The following NUGGC variants were observed in gnomAD, a reference collection of about 807,000 sequenced individuals.
The protein encoded by NUGGC is nuclear GTPase SLIP-GC.
In NUGGC, 58 loss-of-function variants were observed where a neutral mutation model predicts 92.6. That is an observed-to-expected ratio of 0.63 (90% confidence interval 0.51 to 0.78). The LOEUF is 0.78. Ranked by LOEUF, NUGGC falls within the 30% of genes least tolerant of loss-of-function variation. NUGGC has a pLI of 0.00. For synonymous variants in NUGGC, 376 were observed against 366.4 expected, an observed-to-expected ratio of 1.03 and a Z score of -0.30; for missense variants, 925 against 964.6, an observed-to-expected ratio of 0.96 and a Z score of 0.54.
intron 2 of NUGGC, among the ~76,000 whole-genome samples, chr8:28,072,794 C>A (rs1302437200): frequency 6.6e-6 from 1 of 151,902 alleles, no homozygotes; most frequent in Non-Finnish European, 1.5e-5. Flanking sequence ...GAATTTAGAT[C>A]ACAGATCTTA....
At chr8:28,080,272 G>C (rs184026954) in intron 1 of NUGGC, among the ~76,000 whole-genome samples, 20 of 152,264 alleles carry the variant, frequency 1.3e-4, no homozygotes, top group African/African-American at 4.8e-4. Flanking sequence ...GACACCCTCA[G>C]AAGTAAAACA....
intron 6 of NUGGC, among the ~76,000 whole-genome samples, chr8:28,066,551 C>A (rs1356813738): frequency 6.6e-6 from 1 of 151,968 alleles, no homozygotes; most frequent in Non-Finnish European, 1.5e-5. Flanking sequence ...AAATTGTACC[C>A]ATTTTACCAA....
At chr8:28,045,910 G>A (rs1484613415) in intron 11 of NUGGC, among the ~76,000 whole-genome samples, 2 of 152,082 alleles carry the variant, frequency 1.3e-5, no homozygotes, top group African/African-American at 4.8e-5. Flanking sequence ...AAAACTACAT[G>A]GAAAAGTACA....
intron 15 of NUGGC, 92 bp downstream of exon 15, chr8:28,031,151 G>T: frequency 1.4e-6 from 2 of 1,424,602 alleles, no homozygotes; most frequent in Non-Finnish European, 2.0e-6. Context: ...ATACTCCAGG[G>T]AACAAGGGAA....
chr8:28,043,280 G>A (rs1397427251), intron 12 of NUGGC, among the ~76,000 whole-genome samples: 1 of 151,902 alleles, frequency 6.6e-6, no homozygotes, highest in Non-Finnish European at 1.5e-5. Context: ...ATGAATAAAC[G>A]CAGACTTCAT....
At chr8:28,041,003 G>A (rs549597691) in intron 13 of NUGGC, 48 bp downstream of exon 13, 26 of 1,524,344 alleles carry the variant, frequency 1.7e-5, no homozygotes, top group African/African-American at 5.5e-5. Flanking sequence ...CTTGGGGATC[G>A]GGCAGGCCTC....
chr8:28,032,166 G>A (rs1009344448), intron 14 of NUGGC, among the ~76,000 whole-genome samples: 5 of 152,168 alleles, frequency 3.3e-5, no homozygotes, highest in African/African-American at 1.2e-4. Context: ...TGTCTTGAAC[G>A]CGTTCTAAGG....
chr8:28,067,575 A>G lies in NUGGC; in HGVS notation c.650T>C (p.Leu217Pro). ...GAESKNYEEL[L>P]RAKPKRKIPT... The stretch of plus-strand genomic sequence containing the variant: ...GATCTTCCTTTTGGGCTTCGCCCTC[A>G]GTAACTCCTCATAGTTCTTACTCTC... Residue 217 changes from leucine (L) to proline (P), a missense_variant, in exon 6 of 19, where the codon CTG becomes CCG. Coordinates refer to ENST00000413272, the MANE Select transcript of NUGGC (RefSeq NM_001010906.2). The G allele has an allele frequency of 1.9e-6, 3 of 1,613,596 alleles. No homozygotes were observed. Among genetic ancestry groups the G allele is most frequent in the Non-Finnish European group, 2.5e-6 (3 of 1,179,724 alleles).
chr8:28,072,728 T>C (rs1294381225), intron 2 of NUGGC, among the ~76,000 whole-genome samples: 1 of 152,192 alleles, frequency 6.6e-6, no homozygotes, highest in Non-Finnish European at 1.5e-5. Flanking sequence ...ATCTTGGATT[T>C]ATACCATACG....
In NUGGC at chr8:28,066,121, T is replaced by C. The variant is rs115537078; in HGVS notation, c.712-1390A>G. ...GACGCTGGGAAGGAGTATTTCTAAATATAGAGTTGGCAAAGACGTTGATAC... is the reference window on the plus strand; with the variant it reads ...GACGCTGGGAAGGAGTATTTCTAAACATAGAGTTGGCAAAGACGTTGATAC... On this transcript the variant is annotated intron_variant, in intron 6 of 18. Transcript: ENST00000413272. 4.8e-3 allele frequency among the ~76,000 whole-genome samples: 725 copies of C among 152,344 alleles called. 4 individuals carry two copies. Among genetic ancestry groups the C allele is most frequent in the African/African-American group, 0.016 (684 of 41,572 alleles).
intron 10 of NUGGC, among the ~76,000 whole-genome samples, chr8:28,050,990 T>C (rs878957703): frequency 9.1e-6 from 1 of 110,146 alleles, no homozygotes; most frequent in South Asian, 3.5e-4. Context: ...CCTAGCACTC[T>C]TTTTTTGCTG....
At chr8:28,074,741 C>T (rs1044491155) in intron 1 of NUGGC, among the ~76,000 whole-genome samples, 9 of 152,252 alleles carry the variant, frequency 5.9e-5, no homozygotes, top group Non-Finnish European at 1.0e-4. Flanking sequence ...GAGTTCAAGA[C>T]CAGCCTGACC....
At chr8:28,083,313 A>G (rs12544240) in intron 1 of NUGGC, among the ~76,000 whole-genome samples, 57,215 of 152,026 alleles carry the variant, frequency 0.38, 10,920 homozygotes, top group African/African-American at 0.41. Flanking sequence ...CCCAAAACCC[A>G]TAACTCCAGT....
chr8:28,027,996 A>G (rs1348359649), intron 17 of NUGGC, among the ~76,000 whole-genome samples: 1 of 152,222 alleles, frequency 6.6e-6, no homozygotes, highest in Non-Finnish European at 1.5e-5. Flanking sequence ...ATGTATAAAA[A>G]GAAATTTCAC....
In NUGGC at chr8:28,043,146, T is replaced by C. The variant is rs377208454; in HGVS notation, c.1447-1931A>G. Among the ~76,000 whole-genome samples, 17 of 152,340 alleles carry C rather than the reference T, an allele frequency of 1.1e-4. No homozygotes were observed. The East Asian group carries it at 3.3e-3, about 29-fold the overall frequency. Reference sequence around the variant, plus strand: ...AGAAAGAAGTCATGGAAAGAAAAGCTATGGGCATGATTCTCACAATGCCTC... The same window carrying C: ...AGAAAGAAGTCATGGAAAGAAAAGCCATGGGCATGATTCTCACAATGCCTC... On this transcript the variant is annotated intron_variant, in intron 12 of 18. Coordinates refer to ENST00000413272, the MANE Select transcript of NUGGC (RefSeq NM_001010906.2).
In NUGGC at chr8:28,045,540, G is replaced by C. The variant is rs371563075; in HGVS notation, c.1433C>G (p.Thr478Arg). Residue 478 changes from threonine to arginine, a missense_variant, in exon 12 of 19, where the codon ACG (threonine) becomes AGG (arginine). Physicochemically the swap from Thr to Arg is moderately conservative, Grantham distance 71 (BLOSUM62 -1). Coordinates refer to ENST00000413272, the MANE Select transcript of NUGGC (RefSeq NM_001010906.2). ...LLLLTDSFNS[T>R]QNLPNEHLHM... ...TGTCTTCCATACCGGCAGGTTTTGC[G>C]TGGAGTTGAAACTATCTGTGAGGAG... The C allele has an allele frequency of 6.2e-6, 10 of 1,611,984 alleles. No homozygotes were observed. In the Admixed American group the frequency reaches 8.3e-5, roughly 13 times the overall value.
At position 28,081,175 on chromosome 8, in the gene NUGGC, T is replaced by C. The variant is rs559773203; in HGVS notation, c.-47+2600A>G. Among the ~76,000 whole-genome samples the C allele has an allele frequency of 3.4e-3, 523 of 151,938 alleles. 3 individuals carry two copies. The highest frequency in any genetic ancestry group is 5.8e-3 in the Non-Finnish European group (393 of 67,938). The stretch of plus-strand genomic sequence containing the variant: ...CTCTACTAAAAATACAAAAATTACC[T>C]GGGCATGGTGCAGCATGCCTGTAAT... On this transcript the variant is annotated intron_variant, in intron 1 of 18. Transcript: ENST00000413272.
chr8:28,069,384 A>G (rs1563230659), intron 4 of NUGGC, among the ~76,000 whole-genome samples, 160 bp downstream of exon 4: 1 of 152,256 alleles, frequency 6.6e-6, no homozygotes, highest in African/African-American at 2.4e-5. Flanking sequence ...TAACAGTGAC[A>G]GCTCAATGAA....
chr8:28,031,366 A>G lies in NUGGC; in HGVS notation c.1785T>C (p.Thr595=), dbSNP rs1294087212. The change falls in exon 15 of 19, where the codon ACT becomes ACC. Residue 595 remains threonine (T), a synonymous_variant. Coordinates refer to ENST00000413272, the MANE Select transcript of NUGGC (RefSeq NM_001010906.2). ...CTATGTGAGGCATCAGAGCTGAACC[A>G]GTGGGCTTCCCCGTCCTACGGAAGA... ...FGSIFRTGKP[T]GSALMPHIDA... is the part of the protein sequence containing the mutation. The G allele has an allele frequency of 6.2e-7, 1 of 1,613,904 alleles. No individual in the cohort carries two copies. The highest frequency in any genetic ancestry group is 1.3e-5 in the African/African-American group (1 of 75,060).
Sources: allele counts gnomAD v4.1 joint callset (sites outside exome capture counted in the v4.1 genomes callset), GRCh38; gene constraint gnomAD v4.1.1; transcripts MANE v1.5; gene names NCBI Gene and HGNC (gene_info 2026-07-23, HGNC 2026-07-21).